The following MEGF6 variants were observed in gnomAD, a reference collection of about 807,000 sequenced individuals.
The protein encoded by MEGF6 is multiple epidermal growth factor-like domains protein 6.
In MEGF6, 184 loss-of-function variants were observed where a neutral mutation model predicts 207.1. The ratio of observed to expected loss-of-function variants is 0.89; its 90% CI spans 0.79 to 1.00. MEGF6 has a LOEUF of 1.00. MEGF6 is among the 50% of genes least tolerant of loss of function. The probability of loss-of-function intolerance (pLI) is 0.00; values close to 1 mark genes in which losing one functional copy is unlikely to be tolerated. For synonymous variants in MEGF6, 1,038 were observed against 910.0 expected, an observed-to-expected ratio of 1.14 and a Z score of -2.53; for missense variants, 2,282 against 2,202.9, an observed-to-expected ratio of 1.04 and a Z score of -0.72.
At chr1:3,523,310 G>A (rs2101193527) in intron 5 of MEGF6, among the ~76,000 whole-genome samples, 1 of 152,296 alleles carries the variant, frequency 6.6e-6, no homozygotes, top group Middle Eastern at 3.4e-3. Context: ...AGGAGCAGGG[G>A]TGCCGAAGGG....
intron 7 of MEGF6, 55 bp from the exon 8 acceptor site, chr1:3,512,183 T>C (rs2820998): frequency 0.096 from 148,758 of 1,548,278 alleles, 8,221 homozygotes; most frequent in Admixed American, 0.18. Flanking sequence ...GGCCTTTGCA[T>C]GGGACCAGTG....
At chr1:3,534,725 T>C (rs1642274720) in intron 4 of MEGF6, among the ~76,000 whole-genome samples, 1 of 152,064 alleles carries the variant, frequency 6.6e-6, no homozygotes, top group Non-Finnish European at 1.5e-5. Context: ...CTGGGAACTG[T>C]CCACCTCCTA....
intron 4 of MEGF6, among the ~76,000 whole-genome samples, chr1:3,538,658 C>T (rs2101478261): frequency 6.6e-6 from 1 of 151,460 alleles, no homozygotes; most frequent in South Asian, 2.1e-4. Context: ...CCTGGTCTGT[C>T]CCCGTGAGGC....
chr1:3,611,364 C>T lies in MEGF6; in HGVS notation c.-96G>A, dbSNP rs1644323419. The T allele has an allele frequency of 7.5e-7, 1 of 1,333,250 alleles. No individual in the cohort carries two copies. Among genetic ancestry groups the T allele is most frequent in the South Asian group, 1.9e-5 (1 of 52,204 alleles). 82.6% of individuals were successfully genotyped at this position (1,333,250 alleles called of 1,614,324 possible). On this transcript the variant is annotated 5_prime_UTR_variant, in exon 1 of 37. In the 5' UTR this introduces an upstream ATG that the reference lacks. Transcript: ENST00000356575. ...CCACGTGCGCCATAGGACGCAGCCA[C>T]AGGTGCCCGCGCCCGCTCCGCGGAG...
At chr1:3,613,798 G>C (rs1208141934), upstream of MEGF6, among the ~76,000 whole-genome samples, 1 of 151,872 alleles carries the variant, frequency 6.6e-6, no homozygotes, top group Non-Finnish European at 1.5e-5. Flanking sequence ...GACCTCTGCT[G>C]GCCCCGCAGA....
chr1:3,605,513 CAT>C (rs1284554726), intron 1 of MEGF6, among the ~76,000 whole-genome samples: 19 of 150,512 alleles, frequency 1.3e-4, no homozygotes, highest in Non-Finnish European at 1.5e-4. Context: ...CAATCACACA[CAT>C]ACACATTCAC....
At chr1:3,568,726 A>G (rs1453252550) in intron 4 of MEGF6, among the ~76,000 whole-genome samples, 1 of 151,932 alleles carries the variant, frequency 6.6e-6, no homozygotes, top group Non-Finnish European at 1.5e-5. Context: ...GGGTTTCTCT[A>G]CATCAGCAGG....
At chr1:3,543,924 G>A (rs1301778508) in intron 4 of MEGF6, among the ~76,000 whole-genome samples, 1 of 152,228 alleles carries the variant, frequency 6.6e-6, no homozygotes, top group Non-Finnish European at 1.5e-5. Context: ...CGTCAGCCCT[G>A]GAGGGGCATA....
In MEGF6 at chr1:3,573,207, C is replaced by T. The variant is rs114941849; in HGVS notation, c.481+6618G>A. ...ATGCTGGGTCCTCCTGCGTGTGCTG[C>T]GTCCTTCCTGTGTGTGCTGGGTTCC... On this transcript the variant is annotated intron_variant, in intron 4 of 36. Coordinates refer to ENST00000356575, the MANE Select transcript of MEGF6 (RefSeq NM_001409.4). The surrounding 1 kb of genome is among the most constrained non-coding windows in gnomAD (Gnocchi z 5.1). 7.0e-6 allele frequency among the ~76,000 whole-genome samples: 1 copy of T among 143,616 alleles called. No homozygotes were observed. Among genetic ancestry groups the T allele is most frequent in the Non-Finnish European group, 1.5e-5 (1 of 65,258 alleles). The allele number at this position is 143,616 out of a possible 152,430, so 94.2% of individuals were successfully genotyped here. A position where few individuals can be genotyped will look rare whatever the true frequency, so the allele number is the denominator to read the frequency against.
At chr1:3,535,620 A>G (rs927009987) in intron 4 of MEGF6, among the ~76,000 whole-genome samples, 1 of 130,464 alleles carries the variant, frequency 7.7e-6, no homozygotes, top group Admixed American at 7.8e-5. Flanking sequence ...CATACAGGCC[A>G]TGATTAAACC....
chr1:3,544,046 C>T (rs759009546), intron 4 of MEGF6, among the ~76,000 whole-genome samples: 2 of 152,212 alleles, frequency 1.3e-5, no homozygotes, highest in Admixed American at 6.5e-5. Context: ...AGCCTCTGCG[C>T]GCCGCACCAC....
At chr1:3,582,195 C>A (rs1487443585) in intron 3 of MEGF6, among the ~76,000 whole-genome samples, 1 of 152,210 alleles carries the variant, frequency 6.6e-6, no homozygotes, top group Admixed American at 6.5e-5. Flanking sequence ...TCATCCTGGG[C>A]TAGAAGGAGG....
At chr1:3,562,914 C>T (rs1337752143) in intron 4 of MEGF6, among the ~76,000 whole-genome samples, 8 of 152,150 alleles carry the variant, frequency 5.3e-5, no homozygotes, top group African/African-American at 1.7e-4. Flanking sequence ...CCCCTCTGTA[C>T]ACCCACCCCC....
At chr1:3,585,451 G>A (rs1245767718) in intron 3 of MEGF6, among the ~76,000 whole-genome samples, 1 of 150,528 alleles carries the variant, frequency 6.6e-6, no homozygotes, top group Non-Finnish European at 1.5e-5. Context: ...CGCATGTCCT[G>A]TGTGTGGGTG....
At chr1:3,542,069 G>C (rs935212305) in intron 4 of MEGF6, among the ~76,000 whole-genome samples, 4 of 152,212 alleles carry the variant, frequency 2.6e-5, no homozygotes, top group African/African-American at 4.8e-5. Flanking sequence ...GCCCAGACCC[G>C]GCCTGGCCGC....
chr1:3,490,868 C>T (rs774825179), intron 36 of MEGF6, 44 bp downstream of exon 36: 1 of 1,556,242 alleles, frequency 6.4e-7, no homozygotes, highest in Admixed American at 1.9e-5. Flanking sequence ...TTTGCCATAA[C>T]CCACCCTCCT....
chr1:3,613,855 C>T (rs967961053), upstream of MEGF6, among the ~76,000 whole-genome samples: 1 of 152,162 alleles, frequency 6.6e-6, no homozygotes, highest in African/African-American at 2.4e-5. Context: ...CCGCTGTGCT[C>T]TCCCCTGTCC....
chr1:3,495,221 G>A (rs1482453738), intron 30 of MEGF6, among the ~76,000 whole-genome samples: 1 of 152,162 alleles, frequency 6.6e-6, no homozygotes, highest in East Asian at 1.9e-4. Flanking sequence ...GGAGTGAGGC[G>A]GGGCCAAGCT....
intron 17 of MEGF6, among the ~76,000 whole-genome samples, chr1:3,503,883 A>G (rs1369582078): frequency 1.3e-5 from 2 of 152,134 alleles, no homozygotes; most frequent in Non-Finnish European, 2.9e-5. Context: ...GCTGCTGCAC[A>G]CCGGCCTGAG....
Sources: allele counts gnomAD v4.1 joint callset (sites outside exome capture counted in the v4.1 genomes callset), GRCh38; gene constraint gnomAD v4.1.1; non-coding constraint Gnocchi (gnomAD v3.1); transcripts MANE v1.5; gene names NCBI Gene and HGNC (gene_info 2026-07-23, HGNC 2026-07-21).